TBC1D9: variants seen among roughly 807,000 people sequenced by gnomAD.
TBC1D9 encodes TBC1 domain family member 9A.
TBC1D9 carries 63 observed loss-of-function variants against 132.0 expected under a neutral mutation model. That is an observed-to-expected ratio of 0.48 (90% CI 0.39 to 0.59). The LOEUF is 0.59. TBC1D9 is among the 20% of genes least tolerant of loss of function. The probability of loss-of-function intolerance (pLI) is 0.00; values close to 1 mark genes in which losing one functional copy is unlikely to be tolerated. For synonymous variants in TBC1D9, 610 were observed against 609.9 expected, an observed-to-expected ratio of 1.00 and a Z score of 0.00; for missense variants, 1,261 against 1,592.7, an observed-to-expected ratio of 0.79 and a Z score of 3.54.
intron 1 of TBC1D9, among the ~76,000 whole-genome samples, chr4:140,729,274 A>T (rs1263915304): frequency 1.3e-5 from 2 of 152,128 alleles, no homozygotes; most frequent in Admixed American, 6.5e-5. Context: ...ATACTAGATA[A>T]TTTACTTTTC....
chr4:140,676,417 C>T (rs1384454064), intron 6 of TBC1D9, among the ~76,000 whole-genome samples: 2 of 152,180 alleles, frequency 1.3e-5, no homozygotes, highest in Non-Finnish European at 2.9e-5. Context: ...CTTTGGGAGG[C>T]CAAGGTGGGT....
At chr4:140,644,250 T>C in intron 13 of TBC1D9, 1 of 306,116 alleles carries the variant, frequency 3.3e-6, no homozygotes, top group Non-Finnish European at 6.4e-6. Flanking sequence ...CAACTCCAAG[T>C]CCTTCTTCTC....
At chr4:140,729,163 T>C (rs1054843239) in intron 1 of TBC1D9, among the ~76,000 whole-genome samples, 4 of 152,160 alleles carry the variant, frequency 2.6e-5, no homozygotes, top group Non-Finnish European at 4.4e-5. Flanking sequence ...TCTCTGAAGG[T>C]TGACATTTCA....
chr4:140,741,285 A>G (rs1410470114), intron 1 of TBC1D9, among the ~76,000 whole-genome samples: 1 of 152,232 alleles, frequency 6.6e-6, no homozygotes, highest in Non-Finnish European at 1.5e-5. Context: ...TTTCTTTGAC[A>G]TATTTAAAGT....
rs757023696 is a variant in TBC1D9 at position 140,622,580 on chromosome 4, G to A, written c.3416C>T (p.Ser1139Leu). 2.5e-6 allele frequency: 4 copies of A among 1,614,022 alleles called. No individual in the cohort carries two copies. In the Admixed American group the frequency reaches 5.0e-5, roughly 20 times the overall value. ...QMEDIKLEDS[S>L]PRDNGACSSM... Reference sequence around the variant, plus strand: ...GGAGCAGGCCCCGTTGTCCCGGGGCGAGGAGTCCTCCAGCTTGATGTCCTC... The same window carrying A: ...GGAGCAGGCCCCGTTGTCCCGGGGCAAGGAGTCCTCCAGCTTGATGTCCTC... The change falls in exon 21 of 21, where the codon TCG becomes TTG. Residue 1139 changes from serine to leucine, a missense_variant. By Grantham distance (145) the Ser-to-Leu change is moderately radical. Around this residue, in one of 3 missense-constraint regions of TBC1D9, gnomAD observed 618 missense variants for 724.4 expected, o/e 0.85. Coordinates refer to ENST00000442267, the MANE Select transcript of TBC1D9 (RefSeq NM_015130.3).
At chr4:140,642,105 C>G (rs1226156937) in intron 13 of TBC1D9, 3 of 734,544 alleles carry the variant, frequency 4.1e-6, no homozygotes, top group Middle Eastern at 2.3e-4. Flanking sequence ...GTGCCAGGCC[C>G]TCTTGGTCAG....
chr4:140,730,426 C>A (rs1738570953), intron 1 of TBC1D9, among the ~76,000 whole-genome samples: 1 of 152,240 alleles, frequency 6.6e-6, no homozygotes, highest in Admixed American at 6.5e-5. Flanking sequence ...AATGAGACAT[C>A]AAGAAACAGG....
At chr4:140,753,523 C>T (rs193294997) in intron 1 of TBC1D9, among the ~76,000 whole-genome samples, 1 of 152,304 alleles carries the variant, frequency 6.6e-6, no homozygotes, top group African/African-American at 2.4e-5. Context: ...TTACAAGTAG[C>T]TGCTTCTCTC....
chr4:140,632,108 A>G (rs1305208353), intron 16 of TBC1D9, among the ~76,000 whole-genome samples: 1 of 152,184 alleles, frequency 6.6e-6, no homozygotes, highest in Non-Finnish European at 1.5e-5. Flanking sequence ...TCTATGCTGG[A>G]CTTCAAGACT....
chr4:140,683,316 G>A (rs1018988632), intron 3 of TBC1D9, among the ~76,000 whole-genome samples: 1 of 152,124 alleles, frequency 6.6e-6, no homozygotes, highest in Non-Finnish European at 1.5e-5. Flanking sequence ...CAACAGTAAG[G>A]CTAATAGTCT....
chr4:140,685,741 A>G (rs567866692), intron 3 of TBC1D9, among the ~76,000 whole-genome samples: 6 of 152,318 alleles, frequency 3.9e-5, no homozygotes, highest in African/African-American at 1.4e-4. Flanking sequence ...GTTATTTAAT[A>G]GAATATCCCG....
chr4:140,662,696 T>C (rs1293486243), intron 9 of TBC1D9, among the ~76,000 whole-genome samples: 3 of 152,152 alleles, frequency 2.0e-5, no homozygotes, highest in Non-Finnish European at 4.4e-5. Flanking sequence ...CAGAAGTTCC[T>C]CAGGTGTTGG....
chr4:140,708,146 A>G (rs1738176447), intron 1 of TBC1D9, among the ~76,000 whole-genome samples: 1 of 152,226 alleles, frequency 6.6e-6, no homozygotes, highest in South Asian at 2.1e-4. Context: ...GGGAGAAACC[A>G]GAATTATTTT....
At chr4:140,752,084 C>T (rs866020133) in intron 1 of TBC1D9, among the ~76,000 whole-genome samples, 22 of 152,112 alleles carry the variant, frequency 1.4e-4, no homozygotes, top group Admixed American at 9.2e-4. Flanking sequence ...CAAATAGAAA[C>T]GTATGCCCAC....
chr4:140,633,925 A>C, intron 16 of TBC1D9, 23 bp downstream of exon 16: 1 of 1,612,150 alleles, frequency 6.2e-7, no homozygotes, highest in Non-Finnish European at 8.5e-7. Context: ...ATCCCAACTC[A>C]TGCAATAGTA....
chr4:140,724,248 A>G (rs1325397827), intron 1 of TBC1D9, among the ~76,000 whole-genome samples: 2 of 152,198 alleles, frequency 1.3e-5, no homozygotes, highest in East Asian at 3.8e-4. Context: ...CATCCACTCA[A>G]AAGTACCAAG....
At chr4:140,695,933 T>C (rs1578844620) in intron 2 of TBC1D9, among the ~76,000 whole-genome samples, 1 of 152,146 alleles carries the variant, frequency 6.6e-6, no homozygotes, top group Admixed American at 6.5e-5. Flanking sequence ...GGATAAAAGG[T>C]AGAATTTACT....
chr4:140,670,553 A>G (rs1184996008), intron 7 of TBC1D9, 167 bp downstream of exon 7: 1 of 605,030 alleles, frequency 1.7e-6, no homozygotes, highest in South Asian at 2.1e-5. Context: ...TTCTAAATCT[A>G]TGACCCCAAA....
chr4:140,661,787 TA>T, intron 10 of TBC1D9, 105 bp downstream of exon 10: 1 of 950,840 alleles, frequency 1.1e-6, no homozygotes, highest in Non-Finnish European at 1.6e-6. Flanking sequence ...GAGGCCCTGG[TA>T]AAGTGATAGT....
Sources: gnomAD v4.1 joint callset for allele counts (sites outside exome capture counted in the v4.1 genomes callset) on GRCh38, gnomAD v4.1.1 for gene constraint, gnomAD v4.1.1 regional missense constraint, MANE v1.5 for transcripts, NCBI Gene and HGNC (gene_info 2026-07-23, HGNC 2026-07-21) for gene names.